The following NCALD variants were observed in gnomAD, a reference collection of about 807,000 sequenced individuals.
The protein encoded by NCALD is neurocalcin-delta.
Under a neutral mutation model 18.6 loss-of-function variants are expected in NCALD, and 10 were observed. The ratio of observed to expected loss-of-function variants is 0.54; its 90% CI spans 0.33 to 0.91. The LOEUF (loss-of-function observed/expected upper bound fraction) is 0.91, where lower values mean the gene tolerates loss of function less well. Ranked by LOEUF, NCALD falls within the 40% of genes least tolerant of loss-of-function variation. NCALD has a pLI of 0.03. For synonymous variants in NCALD, 88 were observed against 87.4 expected (o/e 1.01, Z -0.04); for missense variants, 184 against 247.6 (o/e 0.74, Z 1.72).
At chr8:101,879,234 C>G (rs1586680509) in intron 4 of NCALD, among the ~76,000 whole-genome samples, 1 of 152,132 alleles carries the variant, frequency 6.6e-6, no homozygotes, top group African/African-American at 2.4e-5. Context: ...GGCCGTGGAC[C>G]CTCATGGTGT....
chr8:101,747,472 G>C (rs1233850287), intron 1 of NCALD, among the ~76,000 whole-genome samples: 1 of 152,160 alleles, frequency 6.6e-6, no homozygotes, highest in Non-Finnish European at 1.5e-5. Flanking sequence ...GAGAAAGACA[G>C]ATAGAAAAAT....
chr8:101,765,666 G>C (rs1811318506), intron 1 of NCALD, among the ~76,000 whole-genome samples: 1 of 152,102 alleles, frequency 6.6e-6, no homozygotes, highest in Non-Finnish European at 1.5e-5. Context: ...AAGGGGGAGA[G>C]AAAGTATCTT....
intron 2 of NCALD, among the ~76,000 whole-genome samples, chr8:101,929,795 C>T (rs761041715): frequency 1.3e-4 from 20 of 152,188 alleles, no homozygotes; most frequent in Middle Eastern, 6.8e-3. Context: ...CCTGTAATTC[C>T]AGTACTTTGG....
Position 101,902,035 on chromosome 8 carries a change from C to T in NCALD, c.-107+13774G>A, listed in dbSNP as rs143574876. On this transcript the variant is annotated intron_variant, in intron 3 of 6. Transcript: ENST00000311028. ...CGAACTCCTGACCTCAAGTGATCCACCCACCTCAGCCTCCCAAAGTGCTGG... is the reference window on the plus strand; with the variant it reads ...CGAACTCCTGACCTCAAGTGATCCATCCACCTCAGCCTCCCAAAGTGCTGG... Among the ~76,000 whole-genome samples the T allele has an allele frequency of 9.5e-3, 1,446 of 152,318 alleles. 31 individuals are homozygous for T. The highest frequency in any genetic ancestry group is 0.033 in the African/African-American group (1,390 of 41,578).
intron 1 of NCALD, among the ~76,000 whole-genome samples, chr8:101,730,841 G>A (rs16868264): frequency 0.27 from 40,490 of 152,064 alleles, 6,029 homozygotes; most frequent in East Asian, 0.54. Context: ...ACTTATTCTT[G>A]TACATCTATT....
intron 2 of NCALD, among the ~76,000 whole-genome samples, chr8:101,976,064 C>T (rs983284997): frequency 6.6e-6 from 1 of 152,138 alleles, no homozygotes; most frequent in Non-Finnish European, 1.5e-5. Context: ...ACTCCATTAC[C>T]ATTTTCACAG....
intron 1 of NCALD, among the ~76,000 whole-genome samples, chr8:102,048,510 A>G (rs1222260823): frequency 6.6e-6 from 1 of 152,204 alleles, no homozygotes; most frequent in Non-Finnish European, 1.5e-5. Flanking sequence ...CCAGCAGAAC[A>G]GGAGAAGAGT....
intron 1 of NCALD, among the ~76,000 whole-genome samples, chr8:102,078,364 A>G (rs868583046): frequency 6.6e-6 from 1 of 151,978 alleles, no homozygotes; most frequent in Non-Finnish European, 1.5e-5. Context: ...TCTACATTCT[A>G]TTTTTCACAC....
chr8:101,793,529 A>C (rs1159561485), upstream of NCALD, among the ~76,000 whole-genome samples: 2 of 152,108 alleles, frequency 1.3e-5, no homozygotes, highest in African/African-American at 2.4e-5. Context: ...AGAGTGAAGG[A>C]AGCTACCAGT....
At chr8:101,888,107 T>C (rs374583742) in intron 3 of NCALD, among the ~76,000 whole-genome samples, 8 of 152,304 alleles carry the variant, frequency 5.3e-5, no homozygotes, top group Non-Finnish European at 8.8e-5. Flanking sequence ...GGGTCTCATA[T>C]ATCAAATGGC....
chr8:101,794,914 G>A (rs1252393661), upstream of NCALD, among the ~76,000 whole-genome samples: 1 of 151,764 alleles, frequency 6.6e-6, no homozygotes, highest in Non-Finnish European at 1.5e-5. Flanking sequence ...TAAATTTTTT[G>A]TGAAAGGGAG....
At chr8:102,019,949 C>T (rs1273398633) in intron 2 of NCALD, among the ~76,000 whole-genome samples, 1 of 152,070 alleles carries the variant, frequency 6.6e-6, no homozygotes, top group African/African-American at 2.4e-5. Flanking sequence ...AAAACTACTT[C>T]CATCAAATGA....
intron 2 of NCALD, among the ~76,000 whole-genome samples, chr8:101,940,841 T>G (rs922248327): frequency 6.6e-5 from 10 of 152,220 alleles, no homozygotes; most frequent in Non-Finnish European, 1.2e-4. Context: ...CAGCTAAATC[T>G]GCCCTTGCTA....
At chr8:102,018,752 T>C (rs1281001613) in intron 2 of NCALD, among the ~76,000 whole-genome samples, 1 of 152,206 alleles carries the variant, frequency 6.6e-6, no homozygotes, top group African/African-American at 2.4e-5. Flanking sequence ...TCAGTAACCC[T>C]AACCAAAATA....
At chr8:102,080,599 A>C (rs1824495796) in intron 1 of NCALD, among the ~76,000 whole-genome samples, 1 of 152,184 alleles carries the variant, frequency 6.6e-6, no homozygotes, top group African/African-American at 2.4e-5. Context: ...TCAAAGAGAA[A>C]GCCTTAGGAG....
In NCALD at chr8:102,057,655, T is replaced by A. The variant is rs550914666; in HGVS notation, c.-209-37366A>T. On this transcript the variant is annotated intron_variant, in intron 1 of 6. Transcript: ENST00000311028. Reference sequence around the variant, plus strand: ...AGCCCATGCTTTCACTATGTGACCATATGATTTACTATTCTTCCCAGTTTG... The same window carrying A: ...AGCCCATGCTTTCACTATGTGACCAAATGATTTACTATTCTTCCCAGTTTG... Among the ~76,000 whole-genome samples the A allele has an allele frequency of 6.4e-4, 98 of 152,358 alleles. 2 individuals are homozygous for A. The highest frequency in any genetic ancestry group is 2.3e-3 in the African/African-American group (97 of 41,584).
At chr8:101,901,988 A>G (rs926536773) in intron 3 of NCALD, among the ~76,000 whole-genome samples, 1 of 151,988 alleles carries the variant, frequency 6.6e-6, no homozygotes, top group African/African-American at 2.4e-5. Context: ...ATGGGGTTTC[A>G]CCATATTGGC....
chr8:102,020,674 A>G (rs1822242870), intron 1 of NCALD, among the ~76,000 whole-genome samples: 1 of 152,232 alleles, frequency 6.6e-6, no homozygotes, highest in South Asian at 2.1e-4. Flanking sequence ...CACAGTAGTC[A>G]GAGTGATCAT....
chr8:102,037,646 T>C (rs1822917343), intron 1 of NCALD, among the ~76,000 whole-genome samples: 1 of 144,956 alleles, frequency 6.9e-6, no homozygotes, highest in Non-Finnish European at 1.5e-5. Flanking sequence ...ATTTTCCAAT[T>C]TTTTTTTTGA....
Sources: gnomAD v4.1 joint callset for allele counts (sites outside exome capture counted in the v4.1 genomes callset) on GRCh38, gnomAD v4.1.1 for gene constraint, MANE v1.5 for transcripts, NCBI Gene and HGNC (gene_info 2026-07-23, HGNC 2026-07-21) for gene names.